Variants in ADK observed in about 807,000 individuals in gnomAD.
ADK encodes adenosine kinase.
In ADK, 24 loss-of-function variants were observed where a neutral mutation model predicts 44.7. The observed-to-expected ratio is 0.54, with a 90% CI of 0.39 to 0.76. ADK has a LOEUF of 0.76. Ranked by LOEUF, ADK falls within the 30% of genes least tolerant of loss-of-function variation. ADK has a pLI of 0.00. For synonymous variants in ADK, 128 were observed against 142.6 expected (o/e 0.90, Z 0.73); for missense variants, 321 against 425.1 (o/e 0.76, Z 2.15).
intron 3 of ADK, among the ~76,000 whole-genome samples, chr10:74,251,277 C>A (rs1845641061): frequency 6.6e-6 from 1 of 152,044 alleles, no homozygotes; most frequent in African/African-American, 2.4e-5. Context: ...GATGCCTATT[C>A]AAGAGAAAGG....
At chr10:74,685,130 C>G (rs560573295) in intron 10 of ADK, among the ~76,000 whole-genome samples, 87 of 152,128 alleles carry the variant, frequency 5.7e-4, no homozygotes, top group African/African-American at 2.1e-3. Flanking sequence ...AATCACCCAC[C>G]TAGAAAATGA....
rs1352279585 is a variant in ADK at position 74,525,395 on chromosome 10, C to T, written c.695C>T (p.Pro232Leu). The change falls in exon 7 of 11, where the codon CCT becomes CTT. Residue 232 changes from proline (P) to leucine (L), a missense_variant. Pro to Leu is a moderately conservative substitution (Grantham distance 98). Coordinates refer to ENST00000539909, the MANE Select transcript of ADK (RefSeq NM_006721.4). Reference sequence around the variant, plus strand: ...AAGGAATCATTGATGAAAGTTATGCCTTATGTTGATATACTTTTTGGAAAT... The same window carrying T: ...AAGGAATCATTGATGAAAGTTATGCTTTATGTTGATATACTTTTTGGAAAT... The part of the protein sequence containing the change: ...FYKESLMKVM[P>L]YVDILFGNET... 6.2e-7 allele frequency: 1 copy of T among 1,613,196 alleles called. No homozygotes were observed. Among genetic ancestry groups the T allele is most frequent in the African/African-American group, 1.3e-5 (1 of 74,892 alleles).
At chr10:74,600,223 A>AT (rs1407646545) in intron 8 of ADK, among the ~76,000 whole-genome samples, 156 bp from the exon 9 acceptor site, 1 of 152,116 alleles carries the variant, frequency 6.6e-6, no homozygotes, top group African/African-American at 2.4e-5. Context: ...GTGCTATTCT[A>AT]TTTACTTTTG....
At chr10:74,407,342 A>G (rs1208468592) in intron 6 of ADK, among the ~76,000 whole-genome samples, 1 of 152,172 alleles carries the variant, frequency 6.6e-6, no homozygotes, top group South Asian at 2.1e-4. Context: ...TTGACATTTT[A>G]TCTCTGACAT....
At chr10:74,449,676 T>C (rs1018801940) in intron 6 of ADK, among the ~76,000 whole-genome samples, 1 of 152,202 alleles carries the variant, frequency 6.6e-6, no homozygotes, top group Non-Finnish European at 1.5e-5. Context: ...TTTCCCTGAA[T>C]TCATTGATTA....
chr10:74,491,814 C>T (rs1218401684), intron 6 of ADK, among the ~76,000 whole-genome samples: 3 of 151,960 alleles, frequency 2.0e-5, no homozygotes, highest in East Asian at 3.8e-4. Flanking sequence ...CTTTCCCCCC[C>T]GATAGAAACT....
intron 6 of ADK, among the ~76,000 whole-genome samples, chr10:74,518,567 T>A (rs1848686946): frequency 6.6e-6 from 1 of 152,194 alleles, no homozygotes; most frequent in Admixed American, 6.5e-5. Flanking sequence ...TAGACACAAA[T>A]ACACCAAAAC....
chr10:74,207,929 G>A (rs1233358298), intron 2 of ADK, among the ~76,000 whole-genome samples: 1 of 152,116 alleles, frequency 6.6e-6, no homozygotes. Flanking sequence ...GTACTTGCTG[G>A]CCCCATTGAG....
At chr10:74,202,965 C>T (rs1227566455) in intron 2 of ADK, among the ~76,000 whole-genome samples, 5 of 152,060 alleles carry the variant, frequency 3.3e-5, no homozygotes, top group African/African-American at 1.2e-4. Context: ...TGATGATGTC[C>T]ATTTTATTTT....
chr10:74,606,268 C>A (rs766950389), intron 9 of ADK, among the ~76,000 whole-genome samples: 44 of 152,126 alleles, frequency 2.9e-4, no homozygotes, highest in Admixed American at 1.2e-3. Context: ...TTAGTTATTT[C>A]TTGCCTTCTG....
chr10:74,460,288 G>C (rs1846124444), intron 6 of ADK, among the ~76,000 whole-genome samples: 1 of 152,124 alleles, frequency 6.6e-6, no homozygotes, highest in African/African-American at 2.4e-5. Flanking sequence ...GACATAAACT[G>C]TGTTATCCTA....
At chr10:74,372,228 C>G (rs1309080308) in intron 4 of ADK, 3 of 761,192 alleles carry the variant, frequency 3.9e-6, no homozygotes, top group East Asian at 2.4e-5. Flanking sequence ...ATGGACTGCT[C>G]CAGCTCCTGA....
chr10:74,384,799 G>A (rs940191171), intron 4 of ADK, among the ~76,000 whole-genome samples: 1 of 152,214 alleles, frequency 6.6e-6, no homozygotes, highest in African/African-American at 2.4e-5. Context: ...GAAGTATTCA[G>A]TGTACTGGAA....
intron 1 of ADK, among the ~76,000 whole-genome samples, chr10:74,159,363 T>G (rs1456155965): frequency 6.6e-6 from 1 of 152,218 alleles, no homozygotes; most frequent in Non-Finnish European, 1.5e-5. Flanking sequence ...CACATTTGGT[T>G]AGTAGTGAGT....
intron 9 of ADK, among the ~76,000 whole-genome samples, chr10:74,658,518 A>G (rs973666934): frequency 4.6e-5 from 7 of 151,968 alleles, no homozygotes; most frequent in Non-Finnish European, 1.5e-5. Context: ...TACAGCCCCA[A>G]CCTCCTGGGC....
chr10:74,616,185 A>C (rs570273710), intron 9 of ADK, among the ~76,000 whole-genome samples: 2 of 152,046 alleles, frequency 1.3e-5, no homozygotes, highest in East Asian at 3.9e-4. Flanking sequence ...CACTCTCTTC[A>C]TGGTATCTTT....
In ADK at chr10:74,631,991, A is replaced by G. The variant is rs75894700; in HGVS notation, c.877+31498A>G. ...CACTCAGATATAATTCACACACCATACAATTTCCTTATTTAAAGTATACAA... is the reference window on the plus strand; with the variant it reads ...CACTCAGATATAATTCACACACCATGCAATTTCCTTATTTAAAGTATACAA... On this transcript the variant is annotated intron_variant, in intron 9 of 10. Coordinates refer to ENST00000539909, the MANE Select transcript of ADK (RefSeq NM_006721.4). 5.7e-4 allele frequency among the ~76,000 whole-genome samples: 87 copies of G among 151,996 alleles called. 1 individual carries two copies. In the East Asian group the frequency reaches 0.014, roughly 24 times the overall value.
chr10:74,185,310 G>A (rs1034964603), intron 1 of ADK, among the ~76,000 whole-genome samples: 2 of 152,106 alleles, frequency 1.3e-5, no homozygotes, highest in Non-Finnish European at 2.9e-5. Context: ...GGTTTTCTGC[G>A]GGGAGGTTTT....
At chr10:74,507,893 T>A (rs753146262) in intron 6 of ADK, among the ~76,000 whole-genome samples, 6 of 152,168 alleles carry the variant, frequency 3.9e-5, no homozygotes, top group Non-Finnish European at 8.8e-5. Flanking sequence ...GTACATCTGT[T>A]AGTGGGAATG....
Sources: allele counts gnomAD v4.1 joint callset (sites outside exome capture counted in the v4.1 genomes callset), GRCh38; gene constraint gnomAD v4.1.1; transcripts MANE v1.5; gene names NCBI Gene and HGNC (gene_info 2026-07-23, HGNC 2026-07-21).